The following SUGP2 variants were observed in gnomAD, a reference collection of about 807,000 sequenced individuals.
SUGP2 encodes the protein SURP and G-patch domain-containing protein 2.
In SUGP2, 24 loss-of-function variants were observed where a neutral mutation model predicts 90.5. That is an observed-to-expected ratio of 0.27 (90% confidence interval 0.19 to 0.37). SUGP2 has a LOEUF of 0.37. Ranked by LOEUF, SUGP2 falls within the 10% of genes least tolerant of loss-of-function variation. SUGP2 has a pLI of 1.00. For missense variants in SUGP2, 1,233 were observed against 1,363.3 expected (o/e 0.90, Z 1.51); for synonymous variants, 473 against 513.4 (o/e 0.92, Z 1.06).
chr19:19,028,330 T>A (rs2059013465), intron 2 of SUGP2, among the ~76,000 whole-genome samples: 1 of 152,184 alleles, frequency 6.6e-6, no homozygotes, highest in Non-Finnish European at 1.5e-5. Flanking sequence ...TGGAATTTAC[T>A]CTGGGAGAGA....
In SUGP2 at chr19:19,013,577, C is replaced by T. The variant is rs374557562; in HGVS notation, c.1851-3235G>A. ...AGACAAAGGCCTGCACACCTACCTCCCTCCTTCCCCTTGTGCCTCACATAT... is the reference window on the plus strand; with the variant it reads ...AGACAAAGGCCTGCACACCTACCTCTCTCCTTCCCCTTGTGCCTCACATAT... On this transcript the variant is annotated intron_variant, in intron 4 of 10. Coordinates refer to ENST00000452918, the MANE Select transcript of SUGP2 (RefSeq NM_001017392.5). Among the ~76,000 whole-genome samples, 17 of 152,330 alleles carry T rather than the reference C, an allele frequency of 1.1e-4. No homozygotes were observed. The East Asian group carries it at 2.5e-3, about 22-fold the overall frequency.
At chr19:19,020,788 A>C (rs1047813714) in intron 3 of SUGP2, among the ~76,000 whole-genome samples, 4 of 151,910 alleles carry the variant, frequency 2.6e-5, no homozygotes, top group Non-Finnish European at 4.4e-5. Context: ...TTAAATTTAC[A>C]ATGCTGCCAG....
intron 8 of SUGP2, among the ~76,000 whole-genome samples, chr19:19,000,501 G>A (rs1287642173): frequency 6.6e-6 from 1 of 152,198 alleles, no homozygotes; most frequent in Non-Finnish European, 1.5e-5. Flanking sequence ...CTGCTTACTA[G>A]CAGATTAGTG....
At chr19:19,021,585 T>C (rs78357346) in intron 3 of SUGP2, among the ~76,000 whole-genome samples, 2,944 of 152,104 alleles carry the variant, frequency 0.019, 99 homozygotes, top group African/African-American at 0.068. Flanking sequence ...ATCCTACTCC[T>C]GAGAATGTAC....
intron 4 of SUGP2, among the ~76,000 whole-genome samples, chr19:19,011,306 C>G (rs180802406): frequency 1.3e-5 from 2 of 151,864 alleles, no homozygotes; most frequent in African/African-American, 4.8e-5. Context: ...CACCACCACG[C>G]CTGGCTAATT....
At chr19:19,024,060 C>A (rs1343839680) in intron 3 of SUGP2, among the ~76,000 whole-genome samples, 1 of 152,124 alleles carries the variant, frequency 6.6e-6, no homozygotes, top group Non-Finnish European at 1.5e-5. Context: ...CTGGCAATGG[C>A]CACAGCTTTC....
rs115893367 is a variant in SUGP2, at chr19:19,016,077, T to C, written c.1850+3032A>G. Among the ~76,000 whole-genome samples, 1,187 of 152,276 alleles carry C rather than the reference T, an allele frequency of 7.8e-3. 12 individuals carry two copies. The highest frequency in any genetic ancestry group is 0.028 in the African/African-American group (1,149 of 41,548). ...CTCATAGTGACTCTGTCTTCTAGGG[T>C]GTCAGGAGTTGGTTGAGTTTGGTGA... On this transcript the variant is annotated intron_variant, in intron 4 of 10. Coordinates refer to ENST00000452918, the MANE Select transcript of SUGP2 (RefSeq NM_001017392.5).
intron 9 of SUGP2, 35 bp downstream of exon 9, chr19:18,995,109 C>CCCCCCA: frequency 6.3e-7 from 1 of 1,598,694 alleles, no homozygotes; most frequent in Non-Finnish European, 8.5e-7. Flanking sequence ...GACTGAGGCC[C>CCCCCCA]CACCCACTCC....
chr19:19,019,233 G>A lies in SUGP2; in HGVS notation c.1730-4C>T. On this transcript the variant is annotated splice_polypyrimidine_tract_variant and splice_region_variant and intron_variant, in intron 3 of 10. Coordinates refer to ENST00000452918, the MANE Select transcript of SUGP2 (RefSeq NM_001017392.5). ...TGATCTGCTCGCTGGGGGACAGCTG[G>A]AACACACAGAACAGCTTCTCTGAGA... 1 of 1,609,002 alleles carries A rather than the reference G, an allele frequency of 6.2e-7. No individual in the cohort carries two copies. Among genetic ancestry groups the A allele is most frequent in the Non-Finnish European group, 8.5e-7 (1 of 1,175,976 alleles).
At chr19:19,020,426 T>C (rs1356034989) in intron 3 of SUGP2, among the ~76,000 whole-genome samples, 10 of 98,262 alleles carry the variant, frequency 1.0e-4, no homozygotes, top group East Asian at 3.5e-4. Flanking sequence ...AGTGAGACCC[T>C]GTCTCAAAAA....
At chr19:19,027,277 C>T (rs1213370900) in intron 2 of SUGP2, among the ~76,000 whole-genome samples, 1 of 151,990 alleles carries the variant, frequency 6.6e-6, no homozygotes, top group Admixed American at 6.6e-5. Context: ...GCTTTTCAAT[C>T]AGAATCGATG....
intron 8 of SUGP2, among the ~76,000 whole-genome samples, chr19:18,996,069 C>A (rs927649706): frequency 1.6e-4 from 24 of 152,206 alleles, no homozygotes; most frequent in Non-Finnish European, 7.3e-5. Flanking sequence ...AGTCCAAGAC[C>A]TTGCCATGTA....
At chr19:19,002,977 A>AT (rs896615640) in intron 7 of SUGP2, among the ~76,000 whole-genome samples, 11 of 148,966 alleles carry the variant, frequency 7.4e-5, no homozygotes, top group African/African-American at 2.2e-4. Context: ...TTTTACATTA[A>AT]TTTTTTTTTC....
chr19:19,008,206 A>T, intron 6 of SUGP2, 111 bp downstream of exon 6: 1 of 917,878 alleles, frequency 1.1e-6, no homozygotes, highest in Non-Finnish European at 1.8e-6. Context: ...CTGGAGGCTG[A>T]AACAGGAGGA....
At chr19:18,995,709 G>T (rs904585476) in intron 8 of SUGP2, among the ~76,000 whole-genome samples, 2 of 152,174 alleles carry the variant, frequency 1.3e-5, no homozygotes, top group African/African-American at 2.4e-5. Flanking sequence ...CAGACAGTGG[G>T]TGAGAACTGG....
At chr19:18,995,122 C>T in intron 9 of SUGP2, 22 bp downstream of exon 9, 2 of 1,606,584 alleles carry the variant, frequency 1.2e-6, no homozygotes, top group Non-Finnish European at 1.7e-6. Flanking sequence ...CCCACTCCCA[C>T]CCCAGGCTGC....
At position 19,025,279 on chromosome 19, in the gene SUGP2, G is replaced by A; in HGVS notation, c.1069C>T (p.Leu357Phe). The stretch of plus-strand genomic sequence containing the variant: ...ATTTTAGCACAGGTTTCTGTTTCAA[G>A]TTCAAAGAGAGTCTGGAAAAGTTGG... The part of the protein sequence containing the change: ...FSQLFQTLFE[L>F]ETETCAKMLA... The change falls in exon 3 of 11, where the codon CTT (leucine) becomes TTT (phenylalanine). Residue 357 changes from leucine (L) to phenylalanine (F), a missense_variant. Transcript: ENST00000452918. 6.2e-7 allele frequency: 1 copy of A among 1,613,486 alleles called. No homozygotes were observed. The highest frequency in any genetic ancestry group is 2.2e-5 in the East Asian group (1 of 44,884).
chr19:19,024,027 G>A (rs1178570213), intron 3 of SUGP2, among the ~76,000 whole-genome samples: 1 of 152,160 alleles, frequency 6.6e-6, no homozygotes, highest in African/African-American at 2.4e-5. Context: ...GTAAAATTGT[G>A]CGTGAATAGA....
intron 5 of SUGP2, among the ~76,000 whole-genome samples, chr19:19,009,043 C>G (rs2058199831): frequency 6.6e-6 from 1 of 152,144 alleles, no homozygotes; most frequent in Non-Finnish European, 1.5e-5. Flanking sequence ...TCCCGAGTAG[C>G]TGGGACTACA....
Sources: gnomAD v4.1 joint callset for allele counts (sites outside exome capture counted in the v4.1 genomes callset) on GRCh38, gnomAD v4.1.1 for gene constraint, MANE v1.5 for transcripts, NCBI Gene and HGNC (gene_info 2026-07-23, HGNC 2026-07-21) for gene names.